Variants in SCAND3 observed in about 807,000 individuals in gnomAD.
The protein encoded by SCAND3 is SCAN domain-containing protein 3.
chr6:28,576,213 T>C, the SCAND3 span: 2 of 1,168,192 alleles, frequency 1.7e-6, no homozygotes, highest in South Asian at 1.6e-5. Flanking sequence ...AAGGAGCCAG[T>C]AGTGCTTGAG....
chr6:28,576,223 G>C, the SCAND3 span: 1 of 996,268 alleles, frequency 1.0e-6, no homozygotes, highest in Non-Finnish European at 1.5e-6. Context: ...TAGTGCTTGA[G>C]GTAGAAGTAG....
At chr6:28,574,859 A>G in the SCAND3 span, 1 of 1,614,048 alleles carries the variant, frequency 6.2e-7, no homozygotes, top group Middle Eastern at 1.7e-4. Flanking sequence ...CATGATATAC[A>G]ACTATTAACA....
At chr6:28,593,398 G>A in the SCAND3 span, among the ~76,000 whole-genome samples, 3 of 150,660 alleles carry the variant, frequency 2.0e-5, no homozygotes, top group Admixed American at 1.3e-4. Flanking sequence ...TTTTTTGCTG[G>A]GCGCGGTGGC....
At chr6:28,605,374 A>C in the SCAND3 span, among the ~76,000 whole-genome samples, 1 of 152,164 alleles carries the variant, frequency 6.6e-6, no homozygotes, top group African/African-American at 2.4e-5. Flanking sequence ...TACTATCCAG[A>C]GACTTTGTTG....
At chr6:28,578,372 G>A in the SCAND3 span, among the ~76,000 whole-genome samples, 7 of 152,094 alleles carry the variant, frequency 4.6e-5, no homozygotes, top group Non-Finnish European at 1.0e-4. Flanking sequence ...ATAGGTAGAT[G>A]CAACAAGACT....
the SCAND3 span, chr6:28,589,944 A>C: frequency 7.4e-6 from 1 of 135,918 alleles, no homozygotes; most frequent in Non-Finnish European, 1.5e-5. Flanking sequence ...GAGACAATTC[A>C]CCCTCATCTG....
the SCAND3 span, among the ~76,000 whole-genome samples, chr6:28,598,880 A>G: frequency 1.3e-5 from 2 of 148,260 alleles, no homozygotes; most frequent in East Asian, 3.9e-4. Context: ...ATGTCTCAAA[A>G]AAAAAAAAAA....
At chr6:28,572,903 T>A in the SCAND3 span, 1 of 1,614,110 alleles carries the variant, frequency 6.2e-7, no homozygotes, top group Non-Finnish European at 8.5e-7. This position sits in a 1 kb window ranked among gnomAD's most constrained non-coding sequence, Gnocchi z 4.1. Context: ...CAATGTGTTG[T>A]TTTACATTCT....
chr6:28,598,626 C>A, the SCAND3 span, among the ~76,000 whole-genome samples: 5 of 151,716 alleles, frequency 3.3e-5, no homozygotes, highest in African/African-American at 1.2e-4. Context: ...GGGTGTATCA[C>A]TTGAGGTCAG....
the SCAND3 span, among the ~76,000 whole-genome samples, chr6:28,610,152 A>T: frequency 2.0e-5 from 3 of 152,218 alleles, no homozygotes; most frequent in Non-Finnish European, 4.4e-5. Flanking sequence ...TAAAGCCAGT[A>T]AGGCTTTTTT....
At chr6:28,589,862 T>C in the SCAND3 span, 2 of 149,584 alleles carry the variant, frequency 1.3e-5, no homozygotes, top group African/African-American at 4.9e-5. Context: ...GTTTGTTTTT[T>C]TTTTTTTTTT....
the SCAND3 span, among the ~76,000 whole-genome samples, chr6:28,601,498 T>G: frequency 6.6e-6 from 1 of 152,148 alleles, no homozygotes. Context: ...TTGTCAATGA[T>G]ATTCAAAATT....
the SCAND3 span, among the ~76,000 whole-genome samples, chr6:28,591,925 G>A: frequency 6.6e-6 from 1 of 152,028 alleles, no homozygotes. Context: ...GATTTCCTGA[G>A]GAAATTAAAA....
chr6:28,593,045 C>A, the SCAND3 span, among the ~76,000 whole-genome samples: 1 of 146,678 alleles, frequency 6.8e-6, no homozygotes, highest in African/African-American at 2.6e-5. Context: ...GCACAAGCAA[C>A]AGAAGCTAAA....
the SCAND3 span, chr6:28,575,148 A>C: frequency 6.2e-7 from 1 of 1,614,134 alleles, no homozygotes; most frequent in Non-Finnish European, 8.5e-7. The surrounding 1 kb of genome is among the most constrained non-coding windows in gnomAD (Gnocchi z 4.2). Flanking sequence ...ATGCACTTTC[A>C]CATGGAGTCT....
chr6:28,608,980 C>T, the SCAND3 span, among the ~76,000 whole-genome samples: 92 of 150,836 alleles, frequency 6.1e-4, no homozygotes, highest in Admixed American at 1.3e-3. Flanking sequence ...GAAAACAGAG[C>T]GAAACACTGT....
chr6:28,610,052 C>A, the SCAND3 span, among the ~76,000 whole-genome samples: 2 of 152,020 alleles, frequency 1.3e-5, no homozygotes, highest in Non-Finnish European at 2.9e-5. Context: ...GGTGCAACGC[C>A]GTCTTTACTA....
the SCAND3 span, chr6:28,591,046 C>T: frequency 6.6e-6 from 1 of 152,218 alleles, no homozygotes; most frequent in Non-Finnish European, 1.5e-5. Context: ...ATAAGTCCAG[C>T]CATCCTTCCG....
chr6:28,601,166 A>G, the SCAND3 span, among the ~76,000 whole-genome samples: 2 of 151,808 alleles, frequency 1.3e-5, no homozygotes, highest in Non-Finnish European at 2.9e-5. Flanking sequence ...CAGCCTCCCA[A>G]TGTGCTGGGA....
Sources: allele counts gnomAD v4.1 joint callset (sites outside exome capture counted in the v4.1 genomes callset), GRCh38; gene constraint gnomAD v4.1.1; non-coding constraint Gnocchi (gnomAD v3.1); transcripts MANE v1.5; gene names NCBI Gene and HGNC (gene_info 2026-07-23, HGNC 2026-07-21).